COL28A1: variants seen among roughly 807,000 people sequenced by gnomAD.
COL28A1 encodes collagen type XXVIII alpha 1 chain, also known as collagen alpha-1(XXVIII) chain.
In COL28A1, 161 loss-of-function variants were observed where a neutral mutation model predicts 150.2. The ratio of observed to expected loss-of-function variants is 1.07; its 90% CI spans 0.94 to 1.22. The LOEUF (loss-of-function observed/expected upper bound fraction) is 1.22, where lower values mean the gene tolerates loss of function less well. COL28A1 is among the 50% of genes most tolerant of loss of function. The pLI is 0.00. For synonymous variants in COL28A1, 552 were observed against 469.7 expected (o/e 1.18, Z -2.26); for missense variants, 1,617 against 1,388.3 (o/e 1.16, Z -2.62).
chr7:7,444,577 G>C (rs995446685), intron 18 of COL28A1, 88 bp from the exon 19 acceptor site: 21 of 1,312,840 alleles, frequency 1.6e-5, no homozygotes, highest in African/African-American at 3.0e-5. Context: ...CAGTGTCTGA[G>C]AAAAGCCTCC....
At chr7:7,374,038 A>AAAAAAAAAATATATATATATATATAT in intron 31 of COL28A1, among the ~76,000 whole-genome samples, 4 of 113,622 alleles carry the variant, frequency 3.5e-5, no homozygotes, top group African/African-American at 1.5e-4. Flanking sequence ...AAAAAAAAAA[A>AAAAAAAAAATATATATATATATATAT]ATATATATAT....
chr7:7,512,444 CA>C (rs1235431912), intron 8 of COL28A1, among the ~76,000 whole-genome samples: 1 of 152,092 alleles, frequency 6.6e-6, no homozygotes, highest in Non-Finnish European at 1.5e-5. Flanking sequence ...ATACATTTAT[CA>C]AATTATATTT....
chr7:7,343,164 TTA>T, the COL28A1 span, among the ~76,000 whole-genome samples: 8 of 150,962 alleles, frequency 5.3e-5, no homozygotes, highest in African/African-American at 9.7e-5. Context: ...TAGTTTCATA[TTA>T]TATATATATA....
intron 27 of COL28A1, among the ~76,000 whole-genome samples, chr7:7,411,396 A>G (rs945856607): frequency 6.6e-6 from 1 of 152,050 alleles, no homozygotes; most frequent in Non-Finnish European, 1.5e-5. Flanking sequence ...GAGCTGACCC[A>G]CCCATCTTCA....
At chr7:7,345,878 T>C in the COL28A1 span, among the ~76,000 whole-genome samples, 1 of 152,082 alleles carries the variant, frequency 6.6e-6, no homozygotes, top group Admixed American at 6.6e-5. Context: ...TTGAGATTCT[T>C]AGCTCCTTGG....
intron 18 of COL28A1, among the ~76,000 whole-genome samples, chr7:7,450,012 A>G (rs1786560374): frequency 6.6e-6 from 1 of 152,124 alleles, no homozygotes; most frequent in Non-Finnish European, 1.5e-5. Flanking sequence ...TTCCTTTTAG[A>G]TGACAAAATA....
chr7:7,539,915 C>T (rs1483593846), upstream of COL28A1, among the ~76,000 whole-genome samples: 3 of 152,178 alleles, frequency 2.0e-5, no homozygotes, highest in African/African-American at 4.8e-5. Flanking sequence ...ACATTTGCAA[C>T]ACACAGTGCC....
the COL28A1 span, among the ~76,000 whole-genome samples, chr7:7,339,062 G>A: frequency 6.6e-6 from 1 of 152,026 alleles, no homozygotes; most frequent in Admixed American, 6.6e-5. Flanking sequence ...CCAAATGCAC[G>A]AGTGAGCACA....
intron 15 of COL28A1, among the ~76,000 whole-genome samples, chr7:7,471,125 T>TAAAAAAAAAAAAAAAAAAAAAAAAATA (rs746981344): frequency 1.1e-5 from 1 of 88,526 alleles, no homozygotes; most frequent in Non-Finnish European, 2.3e-5. Context: ...AAAAAATAAT[T>TAAAAAAAAAAAAAAAAAAAAAAAAATA]AAAAAAAAAA....
chr7:7,480,136 AGCAGAACGAGGAT>A (rs1315204597), intron 13 of COL28A1, among the ~76,000 whole-genome samples: 1 of 152,202 alleles, frequency 6.6e-6, no homozygotes, highest in Non-Finnish European at 1.5e-5. Context: ...CAAGCCCAGT[AGCAGAACGAGGAT>A]GCAGCATTAT....
intron 18 of COL28A1, 45 bp downstream of exon 18, chr7:7,452,274 T>A: frequency 1.3e-6 from 2 of 1,584,716 alleles, no homozygotes; most frequent in Non-Finnish European, 1.7e-6. Flanking sequence ...CCTTATATAA[T>A]GTTACATAAA....
chr7:7,419,815 A>C, intron 26 of COL28A1, 70 bp downstream of exon 26: 1 of 951,882 alleles, frequency 1.1e-6, no homozygotes. Context: ...ACTTATTATG[A>C]AGTTACTGTT....
chr7:7,486,949 C>A (rs2128365872), intron 13 of COL28A1, among the ~76,000 whole-genome samples: 1 of 152,140 alleles, frequency 6.6e-6, no homozygotes, highest in East Asian at 1.9e-4. Flanking sequence ...GGAAAACTGG[C>A]CTCATAAATT....
rs769824045 is a variant in COL28A1, at chr7:7,456,139, T to C, written c.1303-27A>G. 5.6e-6 allele frequency: 9 copies of C among 1,606,764 alleles called. No individual in the cohort carries two copies. In the South Asian group the frequency reaches 7.8e-5, roughly 14 times the overall value. ...TGCACAGAAAATAAGCCAGGAAATA[T>C]AACAATAAAATAAAATCTTATTATT... On this transcript the variant is annotated intron_variant, in intron 15 of 34. Transcript: ENST00000399429.
At chr7:7,471,004 T>G (rs1238649003) in intron 15 of COL28A1, among the ~76,000 whole-genome samples, 1 of 141,946 alleles carries the variant, frequency 7.0e-6, no homozygotes, top group African/African-American at 2.7e-5. Flanking sequence ...GAGATATACC[T>G]AATGCTAGAT....
chr7:7,433,597 G>T (rs922941917), intron 23 of COL28A1, among the ~76,000 whole-genome samples: 1 of 147,896 alleles, frequency 6.8e-6, no homozygotes, highest in African/African-American at 2.5e-5. Flanking sequence ...TCACACTACT[G>T]TGCTCCAGCC....
intron 11 of COL28A1, among the ~76,000 whole-genome samples, chr7:7,502,273 T>G (rs1343975470): frequency 6.6e-6 from 1 of 152,204 alleles, no homozygotes; most frequent in Non-Finnish European, 1.5e-5. Context: ...AGCTAAGGCT[T>G]CTTTCTGAGA....
upstream of COL28A1, among the ~76,000 whole-genome samples, chr7:7,537,847 A>G (rs145970389): frequency 9.2e-5 from 14 of 152,358 alleles, no homozygotes; most frequent in African/African-American, 3.4e-4. Context: ...TAAGATGAGA[A>G]TCAAGAGACA....
chr7:7,338,697 G>A, the COL28A1 span, among the ~76,000 whole-genome samples: 3 of 152,028 alleles, frequency 2.0e-5, no homozygotes, highest in Non-Finnish European at 4.4e-5. Flanking sequence ...TTGCCTGACT[G>A]CTCTAGCTAG....
Sources: allele counts gnomAD v4.1 joint callset (sites outside exome capture counted in the v4.1 genomes callset), GRCh38; gene constraint gnomAD v4.1.1; transcripts MANE v1.5; gene names NCBI Gene and HGNC (gene_info 2026-07-23, HGNC 2026-07-21).